The following UBE2D2 variants were observed in gnomAD, a reference collection of about 807,000 sequenced individuals.
UBE2D2 encodes the protein ubiquitin conjugating enzyme E2 D2.
UBE2D2 carries 2 observed loss-of-function variants against 24.2 expected under a neutral mutation model. That is an observed-to-expected ratio of 0.08 (90% CI 0.03 to 0.26). The LOEUF is 0.26. Ranked by LOEUF, UBE2D2 falls within the 10% of genes least tolerant of loss-of-function variation. The pLI is 1.00. For synonymous variants in UBE2D2, 58 were observed against 56.5 expected, an observed-to-expected ratio of 1.03 and a Z score of -0.12; for missense variants, 44 against 177.6, an observed-to-expected ratio of 0.25 and a Z score of 4.28.
intron 1 of UBE2D2, among the ~76,000 whole-genome samples, chr5:139,534,059 G>T (rs1220896870): frequency 6.6e-6 from 1 of 151,710 alleles, no homozygotes; most frequent in Non-Finnish European, 1.5e-5. Context: ...GGGATTACAG[G>T]CGTGAGCCAC....
intron 1 of UBE2D2, among the ~76,000 whole-genome samples, chr5:139,535,218 A>G (rs13358106): frequency 0.047 from 6,976 of 149,282 alleles, 175 homozygotes; most frequent in Middle Eastern, 0.069. Context: ...AGGCAGAGGC[A>G]GGTGGGTCAC....
At chr5:139,608,545 A>G (rs1754244715) in intron 2 of UBE2D2, among the ~76,000 whole-genome samples, 1 of 152,166 alleles carries the variant, frequency 6.6e-6, no homozygotes, top group Non-Finnish European at 1.5e-5. Flanking sequence ...GCTTGAGCCC[A>G]GGAGTTTGAG....
At position 139,546,208 on chromosome 5, in the gene UBE2D2, T is replaced by C. The variant is rs140042932; in HGVS notation, c.-64+19596T>C. Among the ~76,000 whole-genome samples, 51 of 151,876 alleles carry C rather than the reference T, an allele frequency of 3.4e-4. No individual in the cohort carries two copies. The East Asian group carries it at 9.9e-3, about 29-fold the overall frequency. On this transcript the variant is annotated intron_variant, in intron 1 of 6. Transcript: ENST00000511725. ...ACAGCTGCCCACCACCATGCCCGTC[T>C]AATTTTTGTATTTGTAGTAGAGACG...
intron 1 of UBE2D2, among the ~76,000 whole-genome samples, chr5:139,589,555 A>G (rs1403208311): frequency 1.3e-5 from 2 of 152,196 alleles, no homozygotes; most frequent in Admixed American, 1.3e-4. Context: ...TCAAAAAAAT[A>G]GCCAAAAAAC....
At position 139,626,752 on chromosome 5, in the gene UBE2D2, A is replaced by C; in HGVS notation, c.399-4A>C. 1 of 1,613,672 alleles carries C rather than the reference A, an allele frequency of 6.2e-7. No individual in the cohort carries two copies. Reference sequence around the variant, plus strand: ...TTAAGCCAAGCTTCTCTTTGTGTGTACAGGTACAACAGAATAGCTCGGGAA... The same window carrying C: ...TTAAGCCAAGCTTCTCTTTGTGTGTCCAGGTACAACAGAATAGCTCGGGAA... On this transcript the variant is annotated splice_polypyrimidine_tract_variant and splice_region_variant and intron_variant, in intron 6 of 6. Transcript: ENST00000398733.
intron 2 of UBE2D2, among the ~76,000 whole-genome samples, chr5:139,603,393 T>C (rs1453793905): frequency 6.6e-6 from 1 of 152,144 alleles, no homozygotes; most frequent in Non-Finnish European, 1.5e-5. Flanking sequence ...ACGTCTGTAA[T>C]CCTAGCACTT....
At chr5:139,571,664 C>T (rs910564151) in intron 1 of UBE2D2, among the ~76,000 whole-genome samples, 3 of 152,080 alleles carry the variant, frequency 2.0e-5, no homozygotes, top group African/African-American at 7.2e-5. Context: ...AGCCCTTCTC[C>T]CCTCTAATCT....
intron 1 of UBE2D2, among the ~76,000 whole-genome samples, chr5:139,575,216 G>A (rs1159872541): frequency 6.6e-6 from 1 of 152,144 alleles, no homozygotes; most frequent in African/African-American, 2.4e-5. Flanking sequence ...CCTTTGCAGT[G>A]AACAACATGT....
rs555682348 is a variant in UBE2D2, at chr5:139,619,653, G to A, written c.305-3715G>A. On this transcript the variant is annotated intron_variant, in intron 5 of 6. Coordinates refer to ENST00000398733, the MANE Select transcript of UBE2D2 (RefSeq NM_003339.3). ...CCGAGATGCGCAGATCACTGAGGTC[G>A]GGAGTTTGAGACCAGCCTGACCAAC... is the stretch of plus-strand genomic sequence containing the variant. 2.5e-3 allele frequency among the ~76,000 whole-genome samples: 387 copies of A among 151,944 alleles called. 2 individuals carry two copies. The Middle Eastern group carries it at 0.034, about 13-fold the overall frequency.
chr5:139,620,616 C>A (rs1754497110), intron 5 of UBE2D2, among the ~76,000 whole-genome samples: 1 of 152,152 alleles, frequency 6.6e-6, no homozygotes, highest in Non-Finnish European at 1.5e-5. Flanking sequence ...AAAAACTTTT[C>A]ATATACTCTT....
Position 139,626,858 on chromosome 5 carries a change from A to G in UBE2D2, c.*57A>G. ...AAAGATAGGGGAACTCTGAAAGAGA[A>G]AGTCCTTTTGATTTCCATTTGACTG... On this transcript the variant is annotated 3_prime_UTR_variant, in exon 7 of 7. Coordinates refer to ENST00000398733, the MANE Select transcript of UBE2D2 (RefSeq NM_003339.3). 6.7e-7 allele frequency: 1 copy of G among 1,502,588 alleles called. No homozygotes were observed. The highest frequency in any genetic ancestry group is 1.4e-5 in the African/African-American group (1 of 71,950). The allele number at this position is 1,502,588 out of a possible 1,614,324, so 93.1% of individuals were successfully genotyped here.
chr5:139,609,726 C>CT (rs112153062), intron 2 of UBE2D2, among the ~76,000 whole-genome samples: 12,146 of 148,738 alleles, frequency 0.082, 610 homozygotes, highest in Middle Eastern at 0.12. Flanking sequence ...TGCTTTCTTT[C>CT]TTTTTTTCTT....
chr5:139,588,958 T>A (rs774252138), intron 1 of UBE2D2, among the ~76,000 whole-genome samples: 4 of 152,104 alleles, frequency 2.6e-5, no homozygotes, highest in Non-Finnish European at 5.9e-5. Flanking sequence ...CATGCCCAGC[T>A]GATTTTTAAA....
chr5:139,605,087 C>A (rs943850146), intron 2 of UBE2D2, among the ~76,000 whole-genome samples: 1 of 151,950 alleles, frequency 6.6e-6, no homozygotes, highest in Non-Finnish European at 1.5e-5. Context: ...TACCCAAATC[C>A]CTCAGTACCA....
At chr5:139,556,557 T>C (rs1442811031), upstream of UBE2D2, among the ~76,000 whole-genome samples, 1 of 152,108 alleles carries the variant, frequency 6.6e-6, no homozygotes, top group East Asian at 1.9e-4. Flanking sequence ...GGAGAATTGA[T>C]AAATCCCTTG....
intron 1 of UBE2D2, 21 bp downstream of exon 1, chr5:139,561,836 T>C: frequency 6.7e-7 from 1 of 1,482,186 alleles, no homozygotes; most frequent in South Asian, 1.3e-5. Flanking sequence ...GGAGGTCGGC[T>C]GCGCTGCTGG....
At chr5:139,621,376 T>C (rs552419330) in intron 5 of UBE2D2, among the ~76,000 whole-genome samples, 1 of 152,360 alleles carries the variant, frequency 6.6e-6, no homozygotes, top group South Asian at 2.1e-4. Flanking sequence ...TTAGATGAGA[T>C]TCTAAATTGT....
rs1038533705 is a variant in UBE2D2 at position 139,536,092 on chromosome 5, A to T, written c.-64+9480A>T. 5.3e-5 allele frequency among the ~76,000 whole-genome samples: 8 copies of T among 149,900 alleles called. No individual in the cohort carries two copies. The East Asian group carries it at 7.8e-4, about 15-fold the overall frequency. ...ATTTTTATTTATGTATTTATTTATT[A>T]TTTTATTTATTTATTTATTTATTTG... is the stretch of plus-strand genomic sequence containing the variant. On this transcript the variant is annotated intron_variant, in intron 1 of 6. Transcript: ENST00000511725.
rs369161041 is a variant in UBE2D2, at chr5:139,563,933, C to CA, written c.24+2128dup. Among the ~76,000 whole-genome samples, 1,087 of 145,078 alleles carry CA rather than the reference C, an allele frequency of 7.5e-3. 12 individuals are homozygous for CA. The highest frequency in any genetic ancestry group is 0.024 in the African/African-American group (947 of 39,460). On this transcript the variant is annotated intron_variant, in intron 1 of 6. Coordinates refer to ENST00000398733, the MANE Select transcript of UBE2D2 (RefSeq NM_003339.3). ...CTGGGCCACAGGCGAGACTCCCTTT[C>CA]AAAAAAAAAAGAAATGTAGACTTTA... is the stretch of plus-strand genomic sequence containing the variant.
Sources: gnomAD v4.1 joint callset for allele counts (sites outside exome capture counted in the v4.1 genomes callset) on GRCh38, gnomAD v4.1.1 for gene constraint, MANE v1.5 for transcripts, NCBI Gene and HGNC (gene_info 2026-07-23, HGNC 2026-07-21) for gene names.